Variants in SLC6A15 observed in about 807,000 individuals in gnomAD.
SLC6A15 encodes the protein solute carrier family 6 member 15.
SLC6A15 carries 33 observed loss-of-function variants against 68.5 expected under a neutral mutation model. The ratio of observed to expected loss-of-function variants is 0.48; its 90% CI spans 0.37 to 0.64. The LOEUF (loss-of-function observed/expected upper bound fraction) is 0.64. Ranked by LOEUF, SLC6A15 falls within the 30% of genes least tolerant of loss-of-function variation. SLC6A15 has a pLI of 0.00. For synonymous variants in SLC6A15, 347 were observed against 301.0 expected, an observed-to-expected ratio of 1.15 and a Z score of -1.58; for missense variants, 747 against 874.3, an observed-to-expected ratio of 0.85 and a Z score of 1.84.
intron 11 of SLC6A15, among the ~76,000 whole-genome samples, chr12:84,862,719 A>G (rs772341841): frequency 2.0e-5 from 3 of 152,178 alleles, no homozygotes; most frequent in Non-Finnish European, 4.4e-5. Flanking sequence ...CTTATTTTAA[A>G]TTGTACTTTG....
intron 2 of SLC6A15, among the ~76,000 whole-genome samples, chr12:84,890,101 CTT>C (rs879582795): frequency 3.9e-5 from 6 of 152,142 alleles, no homozygotes; most frequent in African/African-American, 7.2e-5. Flanking sequence ...TGAGTACAAT[CTT>C]TGGTACTGTA....
At position 84,870,564 on chromosome 12, in the gene SLC6A15, A is replaced by C; in HGVS notation, c.1409T>G (p.Leu470Arg). 2 of 1,612,874 alleles carry C rather than the reference A, an allele frequency of 1.2e-6. No individual in the cohort carries two copies. Among genetic ancestry groups the C allele is most frequent in the Non-Finnish European group, 1.7e-6 (2 of 1,179,378 alleles). The change falls in exon 9 of 12, where the codon CTA becomes CGA. Residue 470 changes from leucine (L) to arginine (R), a missense_variant. Transcript: ENST00000266682. The part of the protein sequence containing the change: ...SVMFFLMLVN[L>R]GLGSMFGTIE... ...GGTTCCAAACATACTGCCAAGGCCT[A>C]GATTGACCAGCATGAGGAAAAACAT...
At chr12:84,868,827 T>G (rs1207578347) in intron 9 of SLC6A15, among the ~76,000 whole-genome samples, 1 of 152,212 alleles carries the variant, frequency 6.6e-6, no homozygotes, top group Non-Finnish European at 1.5e-5. Flanking sequence ...TACTTTTTCC[T>G]TAACCTGCAA....
In SLC6A15 at chr12:84,883,928, G is replaced by A. The variant is rs369689918; in HGVS notation, c.687C>T (p.Thr229=). ...SESGGLNWKM[T]ICLLAAWVMV... is the part of the protein sequence containing the mutation. The stretch of plus-strand genomic sequence containing the variant: ...TGACCCAGGCAGCCAACAAGCAGAT[G>A]GTCATCTTCCAGTTTAAGCCCCCAC... Residue 229 remains threonine, a synonymous_variant, in exon 5 of 12, where the codon ACC becomes ACT. Coordinates refer to ENST00000266682, the MANE Select transcript of SLC6A15 (RefSeq NM_182767.6). The A allele has an allele frequency of 1.2e-5, 19 of 1,614,020 alleles. No individual in the cohort carries two copies. Among genetic ancestry groups the A allele is most frequent in the Non-Finnish European group, 1.6e-5 (19 of 1,179,974 alleles).
intron 11 of SLC6A15, among the ~76,000 whole-genome samples, chr12:84,862,682 T>C (rs555283532): frequency 1.5e-3 from 227 of 152,316 alleles, no homozygotes; most frequent in Non-Finnish European, 2.5e-3. Flanking sequence ...ATATAAAAAT[T>C]ATAACAGAAC....
chr12:84,880,187 A>T (rs1871756649), intron 5 of SLC6A15, among the ~76,000 whole-genome samples: 1 of 152,168 alleles, frequency 6.6e-6, no homozygotes, highest in Non-Finnish European at 1.5e-5. Context: ...CATCAATTTT[A>T]TTCCTCTGTG....
At chr12:84,880,236 A>G (rs1397851588) in intron 5 of SLC6A15, among the ~76,000 whole-genome samples, 2 of 152,342 alleles carry the variant, frequency 1.3e-5, no homozygotes, top group African/African-American at 4.8e-5. Context: ...TTTAAATTCC[A>G]TGATTTAAAA....
In SLC6A15 at chr12:84,897,484, T is replaced by A. The variant is rs1479548109; in HGVS notation, c.-188-5176A>T. Among the ~76,000 whole-genome samples the A allele has an allele frequency of 2.6e-5, 4 of 151,336 alleles. 1 individual carries two copies. The highest frequency in any genetic ancestry group is 1.3e-4 in the Admixed American group (2 of 15,254). Reference sequence around the variant, plus strand: ...AAAGCAGAGGTTTTGCTTGAAGACTTGTATTTGCAAATAATAACAATACAG... The same window carrying A: ...AAAGCAGAGGTTTTGCTTGAAGACTAGTATTTGCAAATAATAACAATACAG... On this transcript the variant is annotated intron_variant, in intron 1 of 11. Transcript: ENST00000266682.
chr12:84,861,361 G>T lies in SLC6A15; in HGVS notation c.*271C>A. The T allele has an allele frequency of 3.3e-6, 1 of 300,984 alleles. No homozygotes were observed. Among genetic ancestry groups the T allele is most frequent in the Admixed American group, 4.6e-5 (1 of 21,714 alleles). The allele number at this position is 300,984 out of a possible 1,614,324, so 18.6% of individuals were successfully genotyped here. A position where few individuals can be genotyped will look rare whatever the true frequency, so the allele number is the denominator to read the frequency against. On this transcript the variant is annotated 3_prime_UTR_variant, in exon 12 of 12. Coordinates refer to ENST00000266682, the MANE Select transcript of SLC6A15 (RefSeq NM_182767.6). Reference sequence around the variant, plus strand: ...ATTTTTTTAAGAGATAGAAATATTTGAAAATACACCAAAGGTACTTAAAAA... The same window carrying T: ...ATTTTTTTAAGAGATAGAAATATTTTAAAATACACCAAAGGTACTTAAAAA...
At chr12:84,879,985 CTAATTA>C (rs1354226850) in intron 5 of SLC6A15, among the ~76,000 whole-genome samples, 4 of 152,114 alleles carry the variant, frequency 2.6e-5, no homozygotes, top group Admixed American at 1.3e-4. Flanking sequence ...AAATTATATT[CTAATTA>C]TATGTCCAGA....
chr12:84,905,504 C>T (rs566162685), intron 1 of SLC6A15, among the ~76,000 whole-genome samples: 2 of 152,256 alleles, frequency 1.3e-5, no homozygotes, highest in South Asian at 2.1e-4. Context: ...AAGATAAAAA[C>T]GTCCACTCTC....
At chr12:84,910,684 A>G (rs1266085884) in intron 1 of SLC6A15, among the ~76,000 whole-genome samples, 1 of 152,158 alleles carries the variant, frequency 6.6e-6, no homozygotes, top group Non-Finnish European at 1.5e-5. Context: ...CAAAGGTCCA[A>G]GGAACACCCT....
intron 1 of SLC6A15, among the ~76,000 whole-genome samples, chr12:84,905,067 A>C (rs1169098702): frequency 6.6e-6 from 1 of 152,196 alleles, no homozygotes; most frequent in Non-Finnish European, 1.5e-5. Flanking sequence ...ATTTTATGAA[A>C]GCAGTATTAC....
chr12:84,881,772 G>C (rs187251725), intron 5 of SLC6A15: 22 of 901,786 alleles, frequency 2.4e-5, no homozygotes, highest in Non-Finnish European at 2.9e-5. Flanking sequence ...TTTCTGTTTA[G>C]TAGGTAAACA....
rs867739222 is a variant in SLC6A15 at position 84,900,141 on chromosome 12, A to G, written c.-188-7833T>C. Among the ~76,000 whole-genome samples the G allele has an allele frequency of 6.6e-5, 10 of 152,070 alleles. No homozygotes were observed. In the South Asian group the frequency reaches 2.1e-3, roughly 32 times the overall value. ...CTTGGTGTATCTTTTTATTTATTTC[A>G]TGTCTTTAATTTCTCTCAACAGTGT... On this transcript the variant is annotated intron_variant, in intron 1 of 11. Transcript: ENST00000266682.
intron 4 of SLC6A15, 56 bp downstream of exon 4, chr12:84,885,379 C>T: frequency 7.0e-7 from 1 of 1,421,942 alleles, no homozygotes; most frequent in South Asian, 1.7e-5. Context: ...AAAGCTTGTA[C>T]CTTTGCCACT....
intron 5 of SLC6A15, chr12:84,881,422 T>C: frequency 1.0e-6 from 1 of 982,984 alleles, no homozygotes; most frequent in Non-Finnish European, 1.2e-6. Flanking sequence ...TTGGTTTAAC[T>C]ATTTGAAGAC....
chr12:84,891,544 A>G (rs1416738071), intron 2 of SLC6A15, among the ~76,000 whole-genome samples: 2 of 152,190 alleles, frequency 1.3e-5, no homozygotes, highest in Non-Finnish European at 1.5e-5. Context: ...CGATGCAAGA[A>G]AAGTTTCACT....
At chr12:84,867,543 C>G (rs1871113946) in intron 9 of SLC6A15, 1 of 156,452 alleles carries the variant, frequency 6.4e-6, no homozygotes, top group South Asian at 2.0e-4. Context: ...CTTCTTCAGG[C>G]ACCAAATATT....
Sources: allele counts gnomAD v4.1 joint callset (sites outside exome capture counted in the v4.1 genomes callset), GRCh38; gene constraint gnomAD v4.1.1; transcripts MANE v1.5; gene names NCBI Gene and HGNC (gene_info 2026-07-23, HGNC 2026-07-21).